LCNL1: variants seen among roughly 807,000 people sequenced by gnomAD.
LCNL1 encodes the protein lipocalin-like 1 protein.
LCNL1 carries 11 observed loss-of-function variants against 7.9 expected under a neutral mutation model. The ratio of observed to expected loss-of-function variants is 1.40; its 90% CI spans 0.88 to 2.32. The LOEUF (loss-of-function observed/expected upper bound fraction) is 2.32. LCNL1 is among the 30% of genes most tolerant of loss of function. The pLI, the probability that LCNL1 is intolerant of heterozygous loss-of-function variation, is 0.00. For missense variants in LCNL1, 218 were observed against 217.0 expected (o/e 1.00, Z -0.03); for synonymous variants, 90 against 92.5 (o/e 0.97, Z 0.15).
intron 1 of LCNL1, chr9:136,984,092 G>C: frequency 2.5e-6 from 1 of 398,818 alleles, no homozygotes; most frequent in Non-Finnish European, 4.6e-6. Context: ...GTATGCGTCT[G>C]TGTGTCTGTG....
In LCNL1 at chr9:136,984,907, C is replaced by T. The variant is rs1182891939; in HGVS notation, c.391C>T (p.His131Tyr). Residue 131 changes from histidine to tyrosine, a missense_variant, in exon 3 of 3, where the codon CAC becomes TAC. Transcript: ENST00000408973. ...SPLCLHQPFL[H>Y]AEGGTAGSWC... The stretch of plus-strand genomic sequence containing the variant: ...CCTGTGCCTGCACCAGCCCTTTCTG[C>T]ACGCGGAAGGTGGAACCGCTGGCTC... 1 of 1,555,728 alleles carries T rather than the reference C, an allele frequency of 6.4e-7. No homozygotes were observed. The highest frequency in any genetic ancestry group is 1.2e-5 in the South Asian group (1 of 84,550).
Position 136,985,064 on chromosome 9 carries a change from C to T in LCNL1, c.*53C>T. 1 of 1,415,378 alleles carries T rather than the reference C, an allele frequency of 7.1e-7. No individual in the cohort carries two copies. The highest frequency in any genetic ancestry group is 9.4e-7 in the Non-Finnish European group (1 of 1,069,184). 87.7% of individuals were successfully genotyped at this position (1,415,378 alleles called of 1,614,324 possible). On this transcript the variant is annotated 3_prime_UTR_variant, in exon 3 of 3. Transcript: ENST00000408973. ...GAGCGCCCGAGCTGTTTCCCGAAGG[C>T]GCCCAGAAGATGCAGCTACTGGCGC...
rs947903794 is a variant in LCNL1 at position 136,985,363 on chromosome 9, G to A, written c.*352G>A. 7 of 270,818 alleles carry A rather than the reference G, an allele frequency of 2.6e-5. No individual in the cohort carries two copies. The highest frequency in any genetic ancestry group is 2.1e-4 in the Admixed American group (4 of 19,462). The allele number at this position is 270,818 out of a possible 1,614,324, so 16.8% of individuals were successfully genotyped here. ...GGGCCTCCGTCCCAGGGAAGGGGGC[G>A]CGGGGTGGCGCCTCAGGCTCGATCT... On this transcript the variant is annotated 3_prime_UTR_variant, in exon 3 of 3. Transcript: ENST00000408973.
At chr9:136,983,768 A>G (rs1830467210) in intron 1 of LCNL1, 60 bp downstream of exon 1, 5 of 1,598,944 alleles carry the variant, frequency 3.1e-6, no homozygotes, top group Admixed American at 1.7e-5. Flanking sequence ...ATGAGGCCAC[A>G]TGAAGGTCCA....
At chr9:136,983,883 A>G (rs1043761090) in intron 1 of LCNL1, 175 bp downstream of exon 1, 13 of 770,996 alleles carry the variant, frequency 1.7e-5, no homozygotes, top group Non-Finnish European at 2.5e-5. Flanking sequence ...AGAGGGACCC[A>G]GGCCCTGGAG....
rs560020076 is a variant in LCNL1 at position 136,985,019 on chromosome 9, G to C, written c.*8G>C. On this transcript the variant is annotated 3_prime_UTR_variant, in exon 3 of 3. Transcript: ENST00000408973. ...CCAGCCCCTTCCCTTTAGCTTACCC[G>C]CCCTCCCCACCTTCAGCTCGAGCGC... The C allele has an allele frequency of 3.6e-5, 50 of 1,374,836 alleles. No homozygotes were observed. Among genetic ancestry groups the C allele is most frequent in the Non-Finnish European group, 4.6e-5 (48 of 1,044,038 alleles). The allele number at this position is 1,374,836 out of a possible 1,614,324, so 85.2% of individuals were successfully genotyped here.
chr9:136,984,504 G>A lies in LCNL1; in HGVS notation c.137G>A (p.Cys46Tyr). 6.4e-7 allele frequency: 1 copy of A among 1,566,168 alleles called. No individual in the cohort carries two copies. Among genetic ancestry groups the A allele is most frequent in the Non-Finnish European group, 8.7e-7 (1 of 1,155,148 alleles). ...TTTCTCCCCAGGCCCCATGGCGGGT[G>A]CCAGAAAATGGACACGACCTTCACC... ...KFGYPTPHGG[C>Y]QKMDTTFTEG... Residue 46 changes from cysteine to tyrosine, a missense_variant, in exon 2 of 3, where the codon TGC becomes TAC. Physicochemically the swap from Cys to Tyr is radical, Grantham distance 194. Coordinates refer to ENST00000408973, the MANE Select transcript of LCNL1 (RefSeq NM_207510.4).
chr9:136,984,486 C>T lies in LCNL1; in HGVS notation c.123-4C>T, dbSNP rs1386301931. ...CTCAGGGGATTGGGGCTCTTTCTCC[C>T]CAGGCCCCATGGCGGGTGCCAGAAA... On this transcript the variant is annotated splice_region_variant and splice_polypyrimidine_tract_variant and intron_variant, in intron 1 of 2. Transcript: ENST00000408973. 1.3e-6 allele frequency: 2 copies of T among 1,562,928 alleles called. No individual in the cohort carries two copies. The highest frequency in any genetic ancestry group is 1.7e-6 in the Non-Finnish European group (2 of 1,153,570).
Position 136,985,020 on chromosome 9 carries a change from C to T in LCNL1, c.*9C>T. 1 of 1,475,816 alleles carries T rather than the reference C, an allele frequency of 6.8e-7. No homozygotes were observed. The highest frequency in any genetic ancestry group is 9.0e-7 in the Non-Finnish European group (1 of 1,105,618). The allele number at this position is 1,475,816 out of a possible 1,614,324, so 91.4% of individuals were successfully genotyped here. On this transcript the variant is annotated 3_prime_UTR_variant, in exon 3 of 3. Transcript: ENST00000408973. ...CAGCCCCTTCCCTTTAGCTTACCCG[C>T]CCTCCCCACCTTCAGCTCGAGCGCC...
Position 136,984,909 on chromosome 9 carries a change from C to T in LCNL1, c.393C>T (p.His131=). The T allele has an allele frequency of 6.4e-7, 1 of 1,555,744 alleles. No homozygotes were observed. Among genetic ancestry groups the T allele is most frequent in the Non-Finnish European group, 8.7e-7 (1 of 1,149,904 alleles). The stretch of plus-strand genomic sequence containing the variant: ...TGTGCCTGCACCAGCCCTTTCTGCA[C>T]GCGGAAGGTGGAACCGCTGGCTCCT... The part of the protein sequence containing the change: ...SPLCLHQPFL[H]AEGGTAGSWC... The change falls in exon 3 of 3, where the codon CAC becomes CAT. Residue 131 remains histidine, a synonymous_variant. Transcript: ENST00000408973.
intron 1 of LCNL1, chr9:136,984,141 T>C: frequency 2.4e-6 from 1 of 421,626 alleles, no homozygotes. Context: ...TGTCTATCTC[T>C]GTGTGTGTCT....
Position 136,983,516 on chromosome 9 carries a change from C to T in LCNL1, c.-71C>T. The T allele has an allele frequency of 1.1e-5, 17 of 1,588,838 alleles. No homozygotes were observed. The highest frequency in any genetic ancestry group is 1.5e-5 in the Non-Finnish European group (17 of 1,160,102). Reference sequence around the variant, plus strand: ...GTGTCGGGGCAGAATGTGGTGGGCTCAGGCCCAGGGCACAGGGGCGGCCTC... The same window carrying T: ...GTGTCGGGGCAGAATGTGGTGGGCTTAGGCCCAGGGCACAGGGGCGGCCTC... On this transcript the variant is annotated 5_prime_UTR_variant, in exon 1 of 3. The change creates a premature stop within an existing upstream ORF in the 5' untranslated region. Coordinates refer to ENST00000408973, the MANE Select transcript of LCNL1 (RefSeq NM_207510.4).
Position 136,984,477 on chromosome 9 carries a change from T to C in LCNL1, c.123-13T>C. On this transcript the variant is annotated splice_polypyrimidine_tract_variant and intron_variant, in intron 1 of 2. Transcript: ENST00000408973. ...GGGTGGCCACTCAGGGGATTGGGGC[T>C]CTTTCTCCCCAGGCCCCATGGCGGG... 6.4e-7 allele frequency: 1 copy of C among 1,552,534 alleles called. No individual in the cohort carries two copies. Among genetic ancestry groups the C allele is most frequent in the Non-Finnish European group, 8.7e-7 (1 of 1,147,958 alleles).
At position 136,984,860 on chromosome 9, in the gene LCNL1, G is replaced by A. The variant is rs202086757; in HGVS notation, c.344G>A (p.Arg115His). ...GCGGGGCGGAGACCCAGACACCCCC[G>A]CTTCGGGTCTGGGATGTCACCCCTG... is the stretch of plus-strand genomic sequence containing the variant. ...RAAGRRPRHP[R>H]FGSGMSPLCL... The change falls in exon 3 of 3, where the codon CGC becomes CAC. Residue 115 changes from arginine to histidine, a missense_variant. Physicochemically the swap from Arg to His is conservative, Grantham distance 29. Transcript: ENST00000408973. The A allele has an allele frequency of 1.6e-4, 248 of 1,561,948 alleles. No individual in the cohort carries two copies. In the African/African-American group the frequency reaches 3.0e-3, roughly 19 times the overall value.
Position 136,984,960 on chromosome 9 carries a change from C to A in LCNL1, c.444C>A (p.Ala148=). The A allele has an allele frequency of 6.5e-7, 1 of 1,550,012 alleles. No homozygotes were observed. Among genetic ancestry groups the A allele is most frequent in the Non-Finnish European group, 8.7e-7 (1 of 1,146,350 alleles). The change falls in exon 3 of 3, where the codon GCC becomes GCA. Residue 148 remains alanine (A), a synonymous_variant. Transcript: ENST00000408973. The part of the protein sequence containing the change: ...GSWCLWPRVP[A]PPCPSLPLFA... ...GGTGTCTGTGGCCGCGGGTCCCGGC[C>A]CCTCCCTGCCCCTCTCTCCCTCTCT...
chr9:136,984,665 G>A (rs767594182), intron 2 of LCNL1, 48 bp from the exon 3 acceptor site: 39 of 1,495,958 alleles, frequency 2.6e-5, no homozygotes, highest in East Asian at 7.2e-5. Flanking sequence ...TGCCACGCTC[G>A]GGGGGGAGGT....
intron 1 of LCNL1, 151 bp from the exon 2 acceptor site, chr9:136,984,339 C>A: frequency 1.5e-6 from 1 of 675,372 alleles, no homozygotes; most frequent in Non-Finnish European, 2.4e-6. Context: ...GCAGGAGTGT[C>A]CCCACCTCTA....
chr9:136,984,094 G>A, intron 1 of LCNL1: 2 of 400,044 alleles, frequency 5.0e-6, no homozygotes, highest in Non-Finnish European at 9.1e-6. Flanking sequence ...ATGCGTCTGT[G>A]TGTCTGTGTG....
Position 136,983,427 on chromosome 9 carries a change from TC to T in LCNL1, c.-157del. ...AGTTGCTCATGTACTGAGGCCCCCC[TC>T]CCTCAGTTCTGCATCGGGGTCGAGA... On this transcript the variant is annotated 5_prime_UTR_variant, in exon 1 of 3. Transcript: ENST00000408973. 1 of 821,158 alleles carries T rather than the reference TC, an allele frequency of 1.2e-6. No homozygotes were observed. The highest frequency in any genetic ancestry group is 2.1e-5 in the Admixed American group (1 of 46,602). The allele number at this position is 821,158 out of a possible 1,614,324, so 50.9% of individuals were successfully genotyped here.
Sources: allele counts gnomAD v4.1 joint callset, GRCh38; gene constraint gnomAD v4.1.1; transcripts MANE v1.5; gene names NCBI Gene and HGNC (gene_info 2026-07-23, HGNC 2026-07-21).